The following DMPK variants were observed in gnomAD, a reference collection of about 807,000 sequenced individuals.
DMPK encodes the protein myotonin-protein kinase.
In DMPK, 32 loss-of-function variants were observed where a neutral mutation model predicts 70.3. The ratio of observed to expected loss-of-function variants is 0.46; its 90% CI spans 0.34 to 0.61. The LOEUF (loss-of-function observed/expected upper bound fraction) is 0.61, where lower values mean the gene tolerates loss of function less well. Among genes scored for constraint, DMPK ranks in the 20% least tolerant of loss-of-function variants. The probability of loss-of-function intolerance (pLI) is 0.01; values close to 1 mark genes in which losing one functional copy is unlikely to be tolerated. For synonymous variants in DMPK, 469 were observed against 390.9 expected (o/e 1.20, Z -2.36); for missense variants, 899 against 886.0 (o/e 1.01, Z -0.19).
chr19:45,774,358 G>T (rs1319491171), intron 9 of DMPK, among the ~76,000 whole-genome samples: 1 of 151,326 alleles, frequency 6.6e-6, no homozygotes, highest in Non-Finnish European at 1.5e-5. Context: ...CGCCTCCCGG[G>T]TTCATGCCAT....
chr19:45,777,387 G>A lies in DMPK; in HGVS notation c.1086C>T (p.Thr362=), dbSNP rs569670872. ...PPFTPDFEGA[T]DTCNFDLVED... Reference sequence around the variant, plus strand: ...CCACCAAGTCGAAGTTGCATGTGTCGGTGGCACCTTCGAAATCCGGTGTAA... The same window carrying A: ...CCACCAAGTCGAAGTTGCATGTGTCAGTGGCACCTTCGAAATCCGGTGTAA... Residue 362 remains threonine (T), a synonymous_variant, in exon 8 of 15, where the codon ACC becomes ACT. Transcript: ENST00000291270. This position sits in a 1 kb window ranked among gnomAD's most constrained non-coding sequence, Gnocchi z 6.7. 1.4e-5 allele frequency: 22 copies of A among 1,611,210 alleles called. No homozygotes were observed. Among genetic ancestry groups the A allele is most frequent in the South Asian group, 1.3e-4 (12 of 90,908 alleles).
At chr19:45,781,040 T>C (rs559047228) in intron 1 of DMPK, among the ~76,000 whole-genome samples, 11 of 152,098 alleles carry the variant, frequency 7.2e-5, no homozygotes, top group African/African-American at 2.7e-4. Context: ...GGGAGAAGGT[T>C]TTTCCAGAGG....
intron 2 of DMPK, 76 bp downstream of exon 2, chr19:45,779,702 A>T: frequency 6.5e-7 from 1 of 1,528,222 alleles, no homozygotes; most frequent in Non-Finnish European, 8.8e-7. Flanking sequence ...TCATTCATCA[A>T]TTTCTAAGGC....
intron 14 of DMPK, 117 bp downstream of exon 14, chr19:45,770,854 G>T: frequency 9.9e-7 from 1 of 1,005,342 alleles, no homozygotes; most frequent in Non-Finnish European, 1.4e-6. Context: ...TTGGCTGCCC[G>T]AAGATCCGCC....
intron 4 of DMPK, 127 bp from the exon 5 acceptor site, chr19:45,778,768 T>TTA: frequency 9.8e-7 from 1 of 1,017,324 alleles, no homozygotes; most frequent in South Asian, 1.6e-5. Context: ...AGCCCAGAGA[T>TTA]AACCATAGAG....
chr19:45,770,682 G>T (rs966044018), intron 14 of DMPK, 42 bp from the exon 15 acceptor site: 1 of 1,542,344 alleles, frequency 6.5e-7, no homozygotes. Flanking sequence ...ATGGGCCTCT[G>T]ATTGGCTCCT....
rs760189801 is a variant in DMPK, at chr19:45,770,537, C to G, written c.1841G>C (p.Gly614Ala). The G allele has an allele frequency of 3.9e-6, 6 of 1,550,550 alleles. No individual in the cohort carries two copies. Among genetic ancestry groups the G allele is most frequent in the Admixed American group, 2.0e-5 (1 of 51,000 alleles). Reference sequence around the variant, plus strand: ...GCGGCGCCAGACTGCGGTGAGTTGGCCGGCGTGGGCCACCAACCCAATGCA... The same window carrying G: ...GCGGCGCCAGACTGCGGTGAGTTGGGCGGCGTGGGCCACCAACCCAATGCA... ...LGCIGLVAHA[G>A]QLTAVWRRPG... The change falls in exon 15 of 15, where the codon GGC becomes GCC. Residue 614 changes from glycine (G) to alanine (A), a missense_variant. Transcript: ENST00000291270.
Position 45,771,397 on chromosome 19 carries a change from C to G in DMPK, c.1601-1G>C, listed in dbSNP as rs764041434. 6.2e-7 allele frequency: 1 copy of G among 1,607,952 alleles called. No homozygotes were observed. The highest frequency in any genetic ancestry group is 2.2e-5 in the East Asian group (1 of 44,846). ...CGGGGACTGGGGACCCCCGTGACAGCTGGAAGGAGAAGAAAGAGGCATAGG... is the reference window on the plus strand; with the variant it reads ...CGGGGACTGGGGACCCCCGTGACAGGTGGAAGGAGAAGAAAGAGGCATAGG... On this transcript the variant is annotated splice_acceptor_variant, in intron 12 of 14. Coordinates refer to ENST00000291270, the MANE Select transcript of DMPK (RefSeq NM_004409.5). LOFTEE classifies it high-confidence loss of function.
rs762784046 is a variant in DMPK, at chr19:45,779,472, G to C, written c.303C>G (p.Ile101Met). ...KQTGQVYAMK[I>M]MNKWDMLKRG... Reference sequence around the variant, plus strand: ...TCTTCAGCATGTCCCACTTGTTCATGATCTTCATGGCATACACCTGGCCCG... The same window carrying C: ...TCTTCAGCATGTCCCACTTGTTCATCATCTTCATGGCATACACCTGGCCCG... Residue 101 changes from isoleucine to methionine, a missense_variant, in exon 3 of 15, where the codon ATC becomes ATG. By Grantham distance (10) the Ile-to-Met change is conservative (BLOSUM62 1). Coordinates refer to ENST00000291270, the MANE Select transcript of DMPK (RefSeq NM_004409.5). 2 of 1,613,912 alleles carry C rather than the reference G, an allele frequency of 1.2e-6. No individual in the cohort carries two copies. Among genetic ancestry groups the C allele is most frequent in the South Asian group, 2.2e-5 (2 of 91,070 alleles).
chr19:45,778,809 G>A (rs572318377), intron 4 of DMPK, 168 bp from the exon 5 acceptor site: 4 of 689,268 alleles, frequency 5.8e-6, no homozygotes, highest in Middle Eastern at 4.1e-4. Context: ...GACCACCTGC[G>A]GCCCCCGCCC....
At position 45,777,952 on chromosome 19, in the gene DMPK, C is replaced by T; in HGVS notation, c.676-79G>A. The T allele has an allele frequency of 7.1e-7, 1 of 1,406,236 alleles. No individual in the cohort carries two copies. The allele number at this position is 1,406,236 out of a possible 1,614,324, so 87.1% of individuals were successfully genotyped here. On this transcript the variant is annotated intron_variant, in intron 6 of 14. Coordinates refer to ENST00000291270, the MANE Select transcript of DMPK (RefSeq NM_004409.5). This position sits in a 1 kb window ranked among gnomAD's most constrained non-coding sequence, Gnocchi z 6.7. ...CTCTGGGCCCTCCTTCCAACCACTC[C>T]CCAAATGCTTAGCCCCTCCCTCTGC...
intron 1 of DMPK, chr19:45,780,388 G>A (rs1339085537): frequency 1.8e-5 from 26 of 1,453,976 alleles, no homozygotes; most frequent in Non-Finnish European, 2.2e-5. Context: ...GGGGCTGGGG[G>A]AAGGAACAGG....
Position 45,779,433 on chromosome 19 carries a change from C to T in DMPK, c.336+6G>A. 1 of 1,614,000 alleles carries T rather than the reference C, an allele frequency of 6.2e-7. No individual in the cohort carries two copies. Among genetic ancestry groups the T allele is most frequent in the Non-Finnish European group, 8.5e-7 (1 of 1,180,020 alleles). ...CAAAGCCCCCCACGTCCGCCCAGCC[C>T]CTCACCTCGCCCCTCTTCAGCATGT... On this transcript the variant is annotated splice_donor_region_variant and intron_variant, in intron 3 of 14. Coordinates refer to ENST00000291270, the MANE Select transcript of DMPK (RefSeq NM_004409.5).
In DMPK at chr19:45,777,905, C is replaced by A. The variant is rs1235048727; in HGVS notation, c.676-32G>T. On this transcript the variant is annotated intron_variant, in intron 6 of 14. Transcript: ENST00000291270. This position sits in a 1 kb window ranked among gnomAD's most constrained non-coding sequence, Gnocchi z 6.7. The stretch of plus-strand genomic sequence containing the variant: ...CAAAAGGAGCAGAGCGAGGCTTGGG[C>A]CCACCCCTCTGGGCCCACCAGCTCT... 3.2e-6 allele frequency: 5 copies of A among 1,579,434 alleles called. No individual in the cohort carries two copies. The highest frequency in any genetic ancestry group is 2.3e-5 in the South Asian group (2 of 87,384).
intron 10 of DMPK, chr19:45,772,225 C>G: frequency 2.3e-6 from 1 of 431,294 alleles, no homozygotes; most frequent in East Asian, 4.1e-5. Context: ...AATGCCCTCA[C>G]GACAAAAGGC....
Position 45,772,651 on chromosome 19 carries a change from T to C in DMPK, c.1334A>G (p.Gln445Arg), listed in dbSNP as rs368376507. The change falls in exon 10 of 15, where the codon CAG becomes CGG. Residue 445 changes from glutamine to arginine, a missense_variant. Transcript: ENST00000291270. ...APSLEPSVSP[Q>R]DETAEVAVPA... ...CCTCCACCAACTTACTGTTTCATCC[T>C]GTGGGGACACCGAGGGCTCCAGGCT... 3.6e-5 allele frequency: 56 copies of C among 1,541,878 alleles called. No homozygotes were observed. The highest frequency in any genetic ancestry group is 2.6e-5 in the East Asian group (1 of 38,582).
At chr19:45,771,286 A>C (rs1969418338) in intron 13 of DMPK, 64 bp downstream of exon 13, 2 of 1,541,924 alleles carry the variant, frequency 1.3e-6, no homozygotes, top group Non-Finnish European at 1.7e-6. Flanking sequence ...GGAGACCAGG[A>C]GCCAGGGAGG....
chr19:45,770,661 C>G (rs1281146647), intron 14 of DMPK, 21 bp from the exon 15 acceptor site: 1 of 1,548,434 alleles, frequency 6.5e-7, no homozygotes, highest in Non-Finnish European at 8.7e-7. Context: ...AGGGCGAGGT[C>G]AACACCCGGC....
At chr19:45,773,534 G>A (rs1283837301) in intron 9 of DMPK, among the ~76,000 whole-genome samples, 5 of 152,206 alleles carry the variant, frequency 3.3e-5, no homozygotes, top group African/African-American at 1.2e-4. Flanking sequence ...ATTTAAACAT[G>A]TGTCAGTACA....
Sources: gnomAD v4.1 joint callset for allele counts (sites outside exome capture counted in the v4.1 genomes callset) on GRCh38, gnomAD v4.1.1 for gene constraint, Gnocchi (gnomAD v3.1) non-coding constraint, MANE v1.5 for transcripts, NCBI Gene and HGNC (gene_info 2026-07-23, HGNC 2026-07-21) for gene names.